WWOX: variants seen among roughly 807,000 people sequenced by gnomAD.
The protein encoded by WWOX is WW domain containing oxidoreductase.
Under a neutral mutation model 46.2 loss-of-function variants are expected in WWOX, and 69 were observed. The observed-to-expected ratio is 1.49, with a 90% CI of 1.23 to 1.82. The LOEUF is 1.82. Among genes scored for constraint, WWOX ranks in the 40% most tolerant of loss-of-function variants. The pLI, the probability that WWOX is intolerant of heterozygous loss-of-function variation, is 0.00. For missense variants in WWOX, 919 were observed against 542.6 expected (o/e 1.69, Z -6.89); for synonymous variants, 359 against 202.6 (o/e 1.77, Z -6.56).
chr16:78,347,147 G>T (rs1176421573), intron 5 of WWOX, among the ~76,000 whole-genome samples: 1 of 118,754 alleles, frequency 8.4e-6, no homozygotes, highest in East Asian at 1.9e-4. Flanking sequence ...TCACAATCAA[G>T]CCATAGCTTC....
At chr16:78,951,579 C>G (rs1245371266) in intron 8 of WWOX, among the ~76,000 whole-genome samples, 3 of 152,230 alleles carry the variant, frequency 2.0e-5, no homozygotes, top group South Asian at 4.1e-4. Flanking sequence ...AACAACAGGG[C>G]TTCATCACAG....
At chr16:78,278,913 ATG>A (rs2079629097) in intron 5 of WWOX, among the ~76,000 whole-genome samples, 2 of 152,168 alleles carry the variant, frequency 1.3e-5, no homozygotes, top group African/African-American at 4.8e-5. Flanking sequence ...ACGTGTATAC[ATG>A]TGTTTTTCTG....
At chr16:79,158,218 G>T (rs910690945) in intron 8 of WWOX, among the ~76,000 whole-genome samples, 1 of 152,126 alleles carries the variant, frequency 6.6e-6, no homozygotes, top group Non-Finnish European at 1.5e-5. Flanking sequence ...TGGCCGGGAA[G>T]AACTATTAAG....
intron 8 of WWOX, among the ~76,000 whole-genome samples, chr16:79,121,213 G>T (rs1429092724): frequency 6.6e-6 from 1 of 152,198 alleles, no homozygotes; most frequent in African/African-American, 2.4e-5. Context: ...CCGGGGAGTT[G>T]ACATGGGTAT....
At chr16:79,044,414 C>G (rs1482024394) in intron 8 of WWOX, among the ~76,000 whole-genome samples, 1 of 152,132 alleles carries the variant, frequency 6.6e-6, no homozygotes, top group African/African-American at 2.4e-5. Context: ...CCACCATCCT[C>G]TTGGTACTGT....
intron 8 of WWOX, among the ~76,000 whole-genome samples, chr16:78,813,070 C>T (rs2051232658): frequency 6.7e-6 from 1 of 149,760 alleles, no homozygotes; most frequent in East Asian, 1.9e-4. Flanking sequence ...TACTGAGATA[C>T]TTGTGAGATG....
chr16:78,772,316 G>C (rs114590258), intron 8 of WWOX, among the ~76,000 whole-genome samples: 5 of 152,254 alleles, frequency 3.3e-5, no homozygotes, highest in South Asian at 4.1e-4. Flanking sequence ...TCCTGCATTA[G>C]TTTGCTGAGG....
intron 8 of WWOX, among the ~76,000 whole-genome samples, chr16:78,937,983 G>C (rs1259242146): frequency 6.6e-6 from 1 of 152,102 alleles, no homozygotes; most frequent in Non-Finnish European, 1.5e-5. Flanking sequence ...TTCCTCATCT[G>C]ACTTAGTTCT....
intron 8 of WWOX, among the ~76,000 whole-genome samples, chr16:79,187,340 A>G (rs2051036989): frequency 2.0e-5 from 3 of 152,162 alleles, no homozygotes; most frequent in Non-Finnish European, 4.4e-5. Context: ...ACAAGCATTG[A>G]TCAAATACCT....
chr16:79,209,387 A>G (rs867771260), intron 8 of WWOX, among the ~76,000 whole-genome samples: 12 of 152,348 alleles, frequency 7.9e-5, no homozygotes, highest in Middle Eastern at 3.4e-3. Context: ...TTATCAGGTT[A>G]GGAAGAATTC....
chr16:78,342,211 T>A (rs949955450), intron 5 of WWOX, among the ~76,000 whole-genome samples: 1 of 121,424 alleles, frequency 8.2e-6, no homozygotes, highest in African/African-American at 2.8e-5. Flanking sequence ...CTGGGGTCTT[T>A]TAGTCAGGGT....
intron 8 of WWOX, among the ~76,000 whole-genome samples, chr16:78,603,648 T>A (rs573765527): frequency 6.6e-6 from 1 of 152,004 alleles, no homozygotes; most frequent in East Asian, 1.9e-4. Flanking sequence ...GAACTAAGAT[T>A]GTGCCACTGC....
At chr16:78,177,416 G>T (rs1053254774) in intron 5 of WWOX, among the ~76,000 whole-genome samples, 13 of 152,334 alleles carry the variant, frequency 8.5e-5, no homozygotes, top group Non-Finnish European at 2.9e-5. Flanking sequence ...AGTGTGGTAA[G>T]AGTGATACTC....
chr16:78,369,011 T>C (rs4258629), intron 5 of WWOX, among the ~76,000 whole-genome samples: 14,180 of 152,054 alleles, frequency 0.093, 910 homozygotes, highest in African/African-American at 0.17. Flanking sequence ...TCTTATCTAA[T>C]CCCCTTCCTT....
intron 8 of WWOX, among the ~76,000 whole-genome samples, chr16:78,641,264 G>A (rs769614124): frequency 2.0e-5 from 3 of 151,930 alleles, no homozygotes; most frequent in Non-Finnish European, 4.4e-5. Context: ...AAAAGGCAGA[G>A]AAGCCCCCAG....
intron 8 of WWOX, among the ~76,000 whole-genome samples, chr16:78,625,015 G>T (rs1274188270): frequency 6.6e-6 from 1 of 152,124 alleles, no homozygotes; most frequent in Non-Finnish European, 1.5e-5. Context: ...CTCCATCACT[G>T]GAACAAGAGC....
chr16:79,121,490 G>A (rs2049630714), intron 8 of WWOX, among the ~76,000 whole-genome samples: 1 of 152,102 alleles, frequency 6.6e-6, no homozygotes, highest in South Asian at 2.1e-4. Flanking sequence ...GTTTCTGTTC[G>A]GCTCTGTTTA....
At chr16:79,049,784 G>C (rs2150526379) in intron 8 of WWOX, among the ~76,000 whole-genome samples, 1 of 148,636 alleles carries the variant, frequency 6.7e-6, no homozygotes, top group East Asian at 2.0e-4. Flanking sequence ...GCAGTGAGCT[G>C]AGATCATCCC....
chr16:79,212,027 C>A lies in WWOX; in HGVS notation c.*231C>A, dbSNP rs556420201. Reference sequence around the variant, plus strand: ...GGCTAGGCATAGGTCTCTTTGCTTTCTGGTGGTGGCCTGTTTGAAAGTAAA... The same window carrying A: ...GGCTAGGCATAGGTCTCTTTGCTTTATGGTGGTGGCCTGTTTGAAAGTAAA... On this transcript the variant is annotated 3_prime_UTR_variant, in exon 9 of 9. Transcript: ENST00000566780. 6.5e-7 allele frequency: 1 copy of A among 1,536,270 alleles called. No individual in the cohort carries two copies. Among genetic ancestry groups the A allele is most frequent in the East Asian group, 2.4e-5 (1 of 40,918 alleles).
Sources: gnomAD v4.1 joint callset for allele counts (sites outside exome capture counted in the v4.1 genomes callset) on GRCh38, gnomAD v4.1.1 for gene constraint, MANE v1.5 for transcripts, NCBI Gene and HGNC (gene_info 2026-07-23, HGNC 2026-07-21) for gene names.